The following GRK4 variants were observed in gnomAD, a reference collection of about 807,000 sequenced individuals.
The protein encoded by GRK4 is G protein-coupled receptor kinase 4.
Under a neutral mutation model 77.9 loss-of-function variants are expected in GRK4, and 73 were observed. The observed-to-expected ratio is 0.94, with a 90% CI of 0.78 to 1.14. GRK4 has a LOEUF of 1.14. GRK4 is among the 50% of genes most tolerant of loss of function. The pLI, the probability that GRK4 is intolerant of heterozygous loss-of-function variation, is 0.00. For synonymous variants in GRK4, 257 were observed against 254.4 expected, an observed-to-expected ratio of 1.01 and a Z score of -0.10; for missense variants, 729 against 700.2, an observed-to-expected ratio of 1.04 and a Z score of -0.46.
chr4:2,976,570 C>T (rs1348027844), intron 1 of GRK4, among the ~76,000 whole-genome samples: 3 of 151,736 alleles, frequency 2.0e-5, no homozygotes, highest in Non-Finnish European at 4.4e-5. Flanking sequence ...GTTCCATGTG[C>T]CAGTAGTTGC....
chr4:3,025,722 T>G (rs1366285978), intron 10 of GRK4, among the ~76,000 whole-genome samples: 1 of 152,158 alleles, frequency 6.6e-6, no homozygotes, highest in Non-Finnish European at 1.5e-5. Context: ...TATAATTATG[T>G]AAAACATTTA....
At chr4:2,975,551 G>A (rs779626380) in intron 1 of GRK4, among the ~76,000 whole-genome samples, 4 of 152,084 alleles carry the variant, frequency 2.6e-5, no homozygotes, top group Non-Finnish European at 5.9e-5. Flanking sequence ...CTTGATTAGC[G>A]CCCAGTTCTG....
At chr4:3,029,624 A>G (rs1738581486) in intron 12 of GRK4, among the ~76,000 whole-genome samples, 1 of 152,040 alleles carries the variant, frequency 6.6e-6, no homozygotes, top group Non-Finnish European at 1.5e-5. Context: ...CAGGGAGGAC[A>G]CGTGTGTTCA....
intron 1 of GRK4, chr4:2,971,136 T>C (rs775271427): frequency 1.3e-5 from 2 of 152,226 alleles, no homozygotes; most frequent in Admixed American, 6.5e-5. Context: ...CGGTATTTTG[T>C]ACATATGTGT....
At chr4:2,977,831 G>GC (rs1721663010) in intron 1 of GRK4, among the ~76,000 whole-genome samples, 1 of 152,170 alleles carries the variant, frequency 6.6e-6, no homozygotes, top group African/African-American at 2.4e-5. Flanking sequence ...CAGTCAGATG[G>GC]CCCCCCTCCC....
chr4:3,025,655 G>C (rs1737310485), intron 10 of GRK4, among the ~76,000 whole-genome samples: 1 of 151,934 alleles, frequency 6.6e-6, no homozygotes, highest in Non-Finnish European at 1.5e-5. Context: ...GCCTCCCAAA[G>C]TGCTGGGATT....
Position 3,004,256 on chromosome 4 carries a change from C to A in GRK4, c.365C>A (p.Pro122His). 6.2e-7 allele frequency: 1 copy of A among 1,613,608 alleles called. No individual in the cohort carries two copies. Among genetic ancestry groups the A allele is most frequent in the Non-Finnish European group, 8.5e-7 (1 of 1,179,598 alleles). Reference sequence around the variant, plus strand: ...TTGGCAGCCCCTTTACCAGAAATACCTCCAGATGTTGTGACAGAATGTAGA... The same window carrying A: ...TTGGCAGCCCCTTTACCAGAAATACATCCAGATGTTGTGACAGAATGTAGA... ...DKLAAPLPEI[P>H]PDVVTECRLG... Residue 122 changes from proline (P) to histidine (H), a missense_variant, in exon 5 of 16, where the codon CCT (proline) becomes CAT (histidine). By Grantham distance (77) the Pro-to-His change is moderately conservative (BLOSUM62 -2). Transcript: ENST00000398052.
At position 3,010,174 on chromosome 4, in the gene GRK4, A is replaced by G. The variant is rs569740815; in HGVS notation, c.600+463A>G. Among the ~76,000 whole-genome samples, 10 of 152,236 alleles carry G rather than the reference A, an allele frequency of 6.6e-5. No homozygotes were observed. The South Asian group carries it at 1.5e-3, about 22-fold the overall frequency. ...GTTTGGAAATGTGTCAATTTGGGAA[A>G]ATCCTAAGGAAATGACTCACAGACT... is the stretch of plus-strand genomic sequence containing the variant. On this transcript the variant is annotated intron_variant, in intron 7 of 15. Transcript: ENST00000398052.
chr4:2,981,421 G>A (rs1722836773), intron 1 of GRK4, among the ~76,000 whole-genome samples: 2 of 152,226 alleles, frequency 1.3e-5, no homozygotes, highest in South Asian at 2.1e-4. Flanking sequence ...CCCAAAATGG[G>A]TAGCTCCTTT....
chr4:2,999,847 A>C (rs1729008584), intron 4 of GRK4, among the ~76,000 whole-genome samples: 1 of 152,188 alleles, frequency 6.6e-6, no homozygotes, highest in Non-Finnish European at 1.5e-5. Flanking sequence ...AAACATAACC[A>C]ACAGAATGGG....
In GRK4 at chr4:3,037,795, G is replaced by T. The variant is rs564177611; in HGVS notation, c.1545+284G>T. ...CCAGGCATGGTGGCAGGCACCTGTA[G>T]TCCCAGCTAGTAGGGATGCTGAGGC... is the stretch of plus-strand genomic sequence containing the variant. On this transcript the variant is annotated intron_variant, in intron 14 of 15. Transcript: ENST00000398052. 1.4e-4 allele frequency among the ~76,000 whole-genome samples: 21 copies of T among 152,006 alleles called. No homozygotes were observed. In the East Asian group the frequency reaches 4.1e-3, roughly 29 times the overall value.
intron 1 of GRK4, chr4:2,971,278 C>T (rs753327204): frequency 6.6e-6 from 1 of 152,172 alleles, no homozygotes; most frequent in Non-Finnish European, 1.5e-5. Flanking sequence ...TCTCATATTA[C>T]ATTTTTGTGC....
At chr4:2,973,865 GTC>G (rs1464350933) in intron 1 of GRK4, among the ~76,000 whole-genome samples, 3 of 152,162 alleles carry the variant, frequency 2.0e-5, no homozygotes, top group Non-Finnish European at 4.4e-5. Context: ...GAAAGCCGTA[GTC>G]TCTGCAGTGG....
rs764761994 is a variant in GRK4 at position 3,029,397 on chromosome 4, T to C, written c.1257T>C (p.Ser419=). ...AGAAGTTTTCAGAGGATGCCAAATC[T>C]ATCTGCAGGATGGTAAGTCAGGCTC... ...YSEKFSEDAK[S]ICRMLLTKNP... The change falls in exon 12 of 16, where the codon TCT becomes TCC. Residue 419 remains serine (S), a synonymous_variant. Transcript: ENST00000398052. 6.2e-7 allele frequency: 1 copy of C among 1,613,324 alleles called. No homozygotes were observed. The highest frequency in any genetic ancestry group is 8.5e-7 in the Non-Finnish European group (1 of 1,179,292).
intron 7 of GRK4, among the ~76,000 whole-genome samples, chr4:3,012,661 C>T (rs901054038): frequency 3.1e-4 from 47 of 152,150 alleles, no homozygotes; most frequent in African/African-American, 9.2e-4. Context: ...CACAGAGGCA[C>T]GGGGACCAGA....
chr4:2,983,103 A>G (rs940948673), intron 1 of GRK4, among the ~76,000 whole-genome samples: 7 of 152,216 alleles, frequency 4.6e-5, no homozygotes, highest in Non-Finnish European at 8.8e-5. Context: ...ACTAAGGCTG[A>G]GGAAGAAGCT....
chr4:2,978,002 T>C (rs973203816), intron 1 of GRK4, among the ~76,000 whole-genome samples: 1 of 152,264 alleles, frequency 6.6e-6, no homozygotes, highest in African/African-American at 2.4e-5. Context: ...AAGTTCATTT[T>C]GCCTATTTTT....
intron 3 of GRK4, among the ~76,000 whole-genome samples, chr4:2,989,866 T>C (rs1438085524): frequency 1.3e-5 from 2 of 152,202 alleles, no homozygotes; most frequent in Non-Finnish European, 2.9e-5. Context: ...TTGGGAAGCC[T>C]AGACTTTCAA....
chr4:3,006,148 C>T (rs996012686), intron 5 of GRK4, among the ~76,000 whole-genome samples: 6 of 151,384 alleles, frequency 4.0e-5, no homozygotes, highest in African/African-American at 1.2e-4. Context: ...GGGAGGCCGA[C>T]GTGGGTGGAT....
Sources: allele counts gnomAD v4.1 joint callset (sites outside exome capture counted in the v4.1 genomes callset), GRCh38; gene constraint gnomAD v4.1.1; transcripts MANE v1.5; gene names NCBI Gene and HGNC (gene_info 2026-07-23, HGNC 2026-07-21).